L3MBTL3: variants seen among roughly 807,000 people sequenced by gnomAD.
The protein encoded by L3MBTL3 is lethal(3)malignant brain tumor-like protein 3.
Under a neutral mutation model 102.3 loss-of-function variants are expected in L3MBTL3, and 27 were observed. The ratio of observed to expected loss-of-function variants is 0.26; its 90% CI spans 0.19 to 0.36. The LOEUF (loss-of-function observed/expected upper bound fraction) is 0.36. L3MBTL3 is among the 10% of genes least tolerant of loss of function. The probability of loss-of-function intolerance (pLI) is 1.00; values close to 1 mark genes in which losing one functional copy is unlikely to be tolerated. For synonymous variants in L3MBTL3, 340 were observed against 320.9 expected (o/e 1.06, Z -0.64); for missense variants, 798 against 955.3 (o/e 0.84, Z 2.17).
intron 17 of L3MBTL3, among the ~76,000 whole-genome samples, 190 bp from the exon 18 acceptor site, chr6:130,094,074 AC>A (rs1233159568): frequency 6.6e-6 from 1 of 152,120 alleles, no homozygotes; most frequent in Admixed American, 6.5e-5. Context: ...ATAAGGAAAA[AC>A]CTTTAAACGT....
chr6:130,116,435 A>C (rs1785682233), intron 19 of L3MBTL3, among the ~76,000 whole-genome samples: 1 of 151,430 alleles, frequency 6.6e-6, no homozygotes, highest in African/African-American at 2.4e-5. Context: ...TCATATGTGT[A>C]ACCACTATTG....
intron 18 of L3MBTL3, among the ~76,000 whole-genome samples, chr6:130,098,191 G>T (rs1784470057): frequency 6.6e-6 from 1 of 152,160 alleles, no homozygotes; most frequent in Non-Finnish European, 1.5e-5. Context: ...AACACCTAAA[G>T]GATATTAATG....
chr6:130,092,165 A>G (rs1582545465), intron 16 of L3MBTL3, among the ~76,000 whole-genome samples: 2 of 152,142 alleles, frequency 1.3e-5, no homozygotes, highest in South Asian at 2.1e-4. Flanking sequence ...AATAGAACAC[A>G]TATTTGAGAA....
intron 2 of L3MBTL3, among the ~76,000 whole-genome samples, chr6:130,033,219 G>A (rs1007040475): frequency 2.0e-5 from 3 of 152,158 alleles, no homozygotes; most frequent in African/African-American, 7.2e-5. Flanking sequence ...CGGGTGGGGA[G>A]GCTCAAAGCA....
chr6:130,075,873 A>G (rs1196601037), intron 13 of L3MBTL3, among the ~76,000 whole-genome samples: 1 of 152,222 alleles, frequency 6.6e-6, no homozygotes, highest in African/African-American at 2.4e-5. Flanking sequence ...AAAATTTGAT[A>G]CGAGGGTGAT....
At chr6:130,031,868 T>TTTTTACTAATAGTAAAA (rs1199077853) in intron 2 of L3MBTL3, among the ~76,000 whole-genome samples, 2 of 151,990 alleles carry the variant, frequency 1.3e-5, no homozygotes, top group African/African-American at 4.8e-5. Context: ...GTAATACTAA[T>TTTTTACTAATAGTAAAA]TTTTACTAAT....
chr6:130,132,291 A>G (rs1037230482), intron 20 of L3MBTL3, among the ~76,000 whole-genome samples: 7 of 152,228 alleles, frequency 4.6e-5, no homozygotes, highest in African/African-American at 1.7e-4. Flanking sequence ...AATTCAAAAA[A>G]GGGTAAATGA....
At chr6:130,057,869 C>T (rs888635008) in intron 9 of L3MBTL3, among the ~76,000 whole-genome samples, 3 of 152,112 alleles carry the variant, frequency 2.0e-5, no homozygotes, top group Admixed American at 1.3e-4. Flanking sequence ...ACTGGCCGGG[C>T]GCGGTGGCTC....
At chr6:130,079,973 G>A (rs1400204486) in intron 14 of L3MBTL3, among the ~76,000 whole-genome samples, 1 of 152,184 alleles carries the variant, frequency 6.6e-6, no homozygotes, top group Non-Finnish European at 1.5e-5. Context: ...CAAAGTATTG[G>A]CCAGGCACCT....
intron 20 of L3MBTL3, among the ~76,000 whole-genome samples, chr6:130,132,576 G>T (rs1787172534): frequency 6.6e-6 from 1 of 152,230 alleles, no homozygotes; most frequent in East Asian, 1.9e-4. Flanking sequence ...CCTTTCTTCT[G>T]AGGTGCTTTG....
intron 18 of L3MBTL3, among the ~76,000 whole-genome samples, chr6:130,099,573 C>T (rs1784564233): frequency 6.6e-6 from 1 of 152,192 alleles, no homozygotes; most frequent in Non-Finnish European, 1.5e-5. Flanking sequence ...ACATATGTCA[C>T]TTGTGTTCTT....
At chr6:130,053,917 G>A (rs1781280950) in intron 7 of L3MBTL3, among the ~76,000 whole-genome samples, 1 of 152,180 alleles carries the variant, frequency 6.6e-6, no homozygotes, top group Non-Finnish European at 1.5e-5. Context: ...TCCTGGCAGA[G>A]ACACTGCATT....
At chr6:130,091,365 T>C (rs1291288668) in intron 16 of L3MBTL3, among the ~76,000 whole-genome samples, 1 of 152,180 alleles carries the variant, frequency 6.6e-6, no homozygotes, top group African/African-American at 2.4e-5. Context: ...TAATATCCTG[T>C]GATCAGTTGA....
At chr6:130,108,015 A>T (rs1234892960) in intron 19 of L3MBTL3, among the ~76,000 whole-genome samples, 1 of 152,114 alleles carries the variant, frequency 6.6e-6, no homozygotes, top group Non-Finnish European at 1.5e-5. Context: ...AGAGCAGCAG[A>T]ATGTGGTGAT....
In L3MBTL3 at chr6:130,140,410, C is replaced by G. The variant is rs1788167185; in HGVS notation, c.*657C>G. 6.6e-6 allele frequency: 1 copy of G among 152,470 alleles called. No individual in the cohort carries two copies. The allele number at this position is 152,470 out of a possible 1,614,324, so 9.4% of individuals were successfully genotyped here. A position where few individuals can be genotyped will look rare whatever the true frequency, so the allele number is the denominator to read the frequency against. ...GAAATGTTAAACAAATTACTTTTCA[C>G]CAGCATCTTTACTATAATTACCAAA... On this transcript the variant is annotated 3_prime_UTR_variant, in exon 23 of 23. Coordinates refer to ENST00000361794, the MANE Select transcript of L3MBTL3 (RefSeq NM_032438.4).
intron 16 of L3MBTL3, among the ~76,000 whole-genome samples, chr6:130,089,871 G>T (rs905573430): frequency 7.9e-5 from 12 of 151,466 alleles, no homozygotes; most frequent in African/African-American, 2.7e-4. Flanking sequence ...GAGTGAATAG[G>T]CAACCTACAG....
intron 20 of L3MBTL3, among the ~76,000 whole-genome samples, chr6:130,124,282 A>AG (rs1786445853): frequency 6.6e-6 from 1 of 152,212 alleles, no homozygotes; most frequent in Admixed American, 6.5e-5. Context: ...TGCATTCCAC[A>AG]GGGAGAATGA....
chr6:130,128,280 A>G lies in L3MBTL3; in HGVS notation c.1967-5172A>G, dbSNP rs563925729. Among the ~76,000 whole-genome samples, 4 of 152,290 alleles carry G rather than the reference A, an allele frequency of 2.6e-5. No individual in the cohort carries two copies. The East Asian group carries it at 7.7e-4, about 29-fold the overall frequency. On this transcript the variant is annotated intron_variant, in intron 20 of 22. Coordinates refer to ENST00000361794, the MANE Select transcript of L3MBTL3 (RefSeq NM_032438.4). ...GGCTTATTTCTCTTCCACATAAAGG[A>G]AGTACAGAGCTTGGTCCAGGATTTA...
chr6:130,121,019 C>A, intron 20 of L3MBTL3, 61 bp downstream of exon 20: 2 of 1,016,918 alleles, frequency 2.0e-6, no homozygotes, highest in South Asian at 1.4e-5. Context: ...ACAATCAAAG[C>A]CTTAACTGGA....
Sources: allele counts gnomAD v4.1 joint callset (sites outside exome capture counted in the v4.1 genomes callset), GRCh38; gene constraint gnomAD v4.1.1; transcripts MANE v1.5; gene names NCBI Gene and HGNC (gene_info 2026-07-23, HGNC 2026-07-21).